OSBPL3: variants seen among roughly 807,000 people sequenced by gnomAD.
OSBPL3 encodes oxysterol-binding protein-related protein 3.
A neutral mutation model predicts 120.1 loss-of-function variants in OSBPL3; 65 were observed. That is an observed-to-expected ratio of 0.54 (90% CI 0.44 to 0.67). The LOEUF is 0.67. OSBPL3 is among the 30% of genes least tolerant of loss of function. The pLI, the probability that OSBPL3 is intolerant of heterozygous loss-of-function variation, is 0.00. For synonymous variants in OSBPL3, 416 were observed against 402.6 expected (o/e 1.03, Z -0.40); for missense variants, 1,004 against 1,082.1 (o/e 0.93, Z 1.01).
At chr7:24,948,747 A>C (rs1814037768) in intron 1 of OSBPL3, among the ~76,000 whole-genome samples, 2 of 152,178 alleles carry the variant, frequency 1.3e-5, no homozygotes, top group Non-Finnish European at 2.9e-5. Flanking sequence ...TGTCATGAAG[A>C]GTGAAGAAAG....
rs1809023285 is a variant in OSBPL3 at position 24,912,891 on chromosome 7, G to A, written c.-149-20270C>T. 6.6e-6 allele frequency among the ~76,000 whole-genome samples: 1 copy of A among 152,150 alleles called. No individual in the cohort carries two copies. Among genetic ancestry groups the A allele is most frequent in the African/African-American group, 2.4e-5 (1 of 41,426 alleles). ...GACTTCTGAGGCTGCATTAGAAATGGCAATGTAACTTCCACTTGTCCTGTT... is the reference window on the plus strand; with the variant it reads ...GACTTCTGAGGCTGCATTAGAAATGACAATGTAACTTCCACTTGTCCTGTT... On this transcript the variant is annotated intron_variant, in intron 1 of 22. Coordinates refer to ENST00000313367, the MANE Select transcript of OSBPL3 (RefSeq NM_015550.4). This position sits in a 1 kb window ranked among gnomAD's most constrained non-coding sequence, Gnocchi z 4.5.
At position 24,849,219 on chromosome 7, in the gene OSBPL3, G is replaced by A. The variant is rs1798831999; in HGVS notation, c.1159-43C>T. On this transcript the variant is annotated intron_variant, in intron 11 of 22. Coordinates refer to ENST00000313367, the MANE Select transcript of OSBPL3 (RefSeq NM_015550.4). This position sits in a 1 kb window ranked among gnomAD's most constrained non-coding sequence, Gnocchi z 5.4. ...AGTGGGGCTCTGTTAATAAATGGAT[G>A]TTTCAGAAAAGCACAGCAGTGGGCC... is the stretch of plus-strand genomic sequence containing the variant. 5 of 1,490,634 alleles carry A rather than the reference G, an allele frequency of 3.4e-6. No homozygotes were observed. Among genetic ancestry groups the A allele is most frequent in the African/African-American group, 1.4e-5 (1 of 72,556 alleles). 92.3% of individuals were successfully genotyped at this position (1,490,634 alleles called of 1,614,324 possible).
Position 24,834,590 on chromosome 7 carries a change from C to A in OSBPL3, c.1642G>T (p.Glu548Ter). The A allele has an allele frequency of 1.2e-6, 2 of 1,614,240 alleles. No homozygotes were observed. The highest frequency in any genetic ancestry group is 1.3e-5 in the African/African-American group (1 of 75,058). The change falls in exon 15 of 23, where the codon GAG (glutamate) becomes TAG (stop). Residue 548 changes from glutamate (E) to a stop codon, truncating the protein, a stop_gained. Transcript: ENST00000313367. LOFTEE classifies it high-confidence loss of function. The surrounding 1 kb of genome is among the most constrained non-coding windows in gnomAD (Gnocchi z 5.2). ...KDLSKVAMPV[E>*]LNEPLNTLQR... Reference sequence around the variant, plus strand: ...AGCGTGTTCAGGGGCTCGTTCAGCTCCACCGGCATGGCCACCTTGGACAGG... The same window carrying A: ...AGCGTGTTCAGGGGCTCGTTCAGCTACACCGGCATGGCCACCTTGGACAGG...
In OSBPL3 at chr7:24,810,437, C is replaced by T. The variant is rs182859169; in HGVS notation, c.2173-486G>A. ...ACTCGGGAGGCTGAGGCAGGAGAAT[C>T]GCTTGAACCCGGGAGGCGGAGGATG... On this transcript the variant is annotated intron_variant, in intron 19 of 22. Transcript: ENST00000313367. 6.2e-3 allele frequency: 952 copies of T among 152,880 alleles called. 4 individuals are homozygous for T. Among genetic ancestry groups the T allele is most frequent in the Non-Finnish European group, 0.01 (691 of 68,550 alleles). The allele number at this position is 152,880 out of a possible 1,614,324, so 9.5% of individuals were successfully genotyped here.
In OSBPL3 at chr7:24,810,524, AAAAAC is replaced by A. The variant is rs1197039415; in HGVS notation, c.2173-578_2173-574del. Among the ~76,000 whole-genome samples, 16 of 152,292 alleles carry A rather than the reference AAAAAC, an allele frequency of 1.1e-4. No homozygotes were observed. The South Asian group carries it at 1.5e-3, about 14-fold the overall frequency. On this transcript the variant is annotated intron_variant, in intron 19 of 22. Transcript: ENST00000313367. ...GGCAACAAGAGTGAAGCTCCGTCTC[AAAAAC>A]AAAACAAAACAAAACAAAAACAAAA...
rs1159861724 is a variant in OSBPL3, at chr7:24,873,861, C to G, written c.97-1792G>C. 1.3e-5 allele frequency among the ~76,000 whole-genome samples: 2 copies of G among 152,148 alleles called. No homozygotes were observed. The highest frequency in any genetic ancestry group is 1.5e-5 in the Non-Finnish European group (1 of 68,004). ...GGTTGTCAAGTTAAAAATTCCACCT[C>G]AAATTTCACCTCCTCCAGTGGAAAA... On this transcript the variant is annotated intron_variant, in intron 2 of 22. Coordinates refer to ENST00000313367, the MANE Select transcript of OSBPL3 (RefSeq NM_015550.4). This position sits in a 1 kb window ranked among gnomAD's most constrained non-coding sequence, Gnocchi z 4.1.
At chr7:24,810,708 C>T (rs1716278010) in intron 19 of OSBPL3, among the ~76,000 whole-genome samples, 1 of 152,164 alleles carries the variant, frequency 6.6e-6, no homozygotes, top group Non-Finnish European at 1.5e-5. Context: ...CCCTGGCAAA[C>T]CCATATCAAC....
In OSBPL3 at chr7:24,820,362, T is replaced by G; in HGVS notation, c.1885-124A>C. On this transcript the variant is annotated intron_variant, in intron 16 of 22. Coordinates refer to ENST00000313367, the MANE Select transcript of OSBPL3 (RefSeq NM_015550.4). This position sits in a 1 kb window ranked among gnomAD's most constrained non-coding sequence, Gnocchi z 4.6. ...ATGCTGAACTGAAGGAAAAACTTCT[T>G]TAGTTTCCCTCATCAAGTGTGTCCT... 1.5e-6 allele frequency: 1 copy of G among 663,066 alleles called. No individual in the cohort carries two copies. Among genetic ancestry groups the G allele is most frequent in the Non-Finnish European group, 2.7e-6 (1 of 373,890 alleles). The allele number at this position is 663,066 out of a possible 1,614,324, so 41.1% of individuals were successfully genotyped here.
rs1356632327 is a variant in OSBPL3, at chr7:24,863,230, A to G, written c.840T>C (p.Ala280=). 2 of 1,614,004 alleles carry G rather than the reference A, an allele frequency of 1.2e-6. No homozygotes were observed. The highest frequency in any genetic ancestry group is 1.7e-6 in the Non-Finnish European group (2 of 1,179,952). Residue 280 remains alanine, a synonymous_variant, in exon 9 of 23, where the codon GCT becomes GCC. Transcript: ENST00000313367. The surrounding 1 kb of genome is among the most constrained non-coding windows in gnomAD (Gnocchi z 5.8). ...GTGTTCCTTTAGCATCTTTGCCAAT[A>G]GCTCTGGACCGCCACCTCCTGTGCG... is the stretch of plus-strand genomic sequence containing the variant. ...KRSHRRWRSR[A]IGKDAKGTLQ...
Position 24,958,331 on chromosome 7 carries a change from T to A in OSBPL3, c.-150+21555A>T, listed in dbSNP as rs563032997. On this transcript the variant is annotated intron_variant, in intron 1 of 22. Transcript: ENST00000313367. ...GCTTTTTCTAATGAGGTTTTTTGGC[T>A]TTTTTTGATTGATAGTCTCTCTTTG... 4.6e-5 allele frequency among the ~76,000 whole-genome samples: 7 copies of A among 152,256 alleles called. No homozygotes were observed. The South Asian group carries it at 1.4e-3, about 32-fold the overall frequency.
intron 1 of OSBPL3, among the ~76,000 whole-genome samples, chr7:24,951,073 C>T (rs935450338): frequency 6.6e-6 from 1 of 152,182 alleles, no homozygotes; most frequent in African/African-American, 2.4e-5. Context: ...GATCTCCCTC[C>T]CCACCACCAG....
At chr7:24,884,655 A>G (rs1804223777) in intron 2 of OSBPL3, among the ~76,000 whole-genome samples, 1 of 152,184 alleles carries the variant, frequency 6.6e-6, no homozygotes, top group Non-Finnish European at 1.5e-5. Flanking sequence ...TTTGTCAAAC[A>G]CTTACATAGC....
rs1798586160 is a variant in OSBPL3, at chr7:24,847,437, T to G, written c.1266+1632A>C. 2.0e-5 allele frequency among the ~76,000 whole-genome samples: 3 copies of G among 152,216 alleles called. No individual in the cohort carries two copies. The South Asian group carries it at 6.2e-4, about 31-fold the overall frequency. On this transcript the variant is annotated intron_variant, in intron 12 of 22. Transcript: ENST00000313367. ...CTCAAGAAGGCTGTTTTGGAAGGTG[T>G]GCATTTGAAGGATGTTATTGTTACC... is the stretch of plus-strand genomic sequence containing the variant.
rs538735992 is a variant in OSBPL3 at position 24,898,009 on chromosome 7, T to A, written c.-149-5388A>T. ...TTTCCCAGTAAAATATATAAAGAAA[T>A]TATGTCCTGAATTAACGTTAGAAAT... On this transcript the variant is annotated intron_variant, in intron 1 of 22. Coordinates refer to ENST00000313367, the MANE Select transcript of OSBPL3 (RefSeq NM_015550.4). The surrounding 1 kb of genome is among the most constrained non-coding windows in gnomAD (Gnocchi z 4.3). Among the ~76,000 whole-genome samples, 1 of 152,306 alleles carries A rather than the reference T, an allele frequency of 6.6e-6. No homozygotes were observed. Among genetic ancestry groups the A allele is most frequent in the East Asian group, 1.9e-4 (1 of 5,186 alleles).
chr7:24,852,571 A>G lies in OSBPL3; in HGVS notation c.1091T>C (p.Leu364Pro). The G allele has an allele frequency of 6.2e-7, 1 of 1,610,196 alleles. No individual in the cohort carries two copies. The highest frequency in any genetic ancestry group is 8.5e-7 in the Non-Finnish European group (1 of 1,178,764). ...MSAEREKLKQ[L>P]MEQDASSSPS... is the part of the protein sequence containing the mutation. ...GGAGGAGGAGGCATCCTGCTCCATC[A>G]GCTGCTTCAGTTTCTCTCTCTCCGC... Residue 364 changes from leucine (L) to proline (P), a missense_variant, in exon 11 of 23, where the codon CTG becomes CCG. Coordinates refer to ENST00000313367, the MANE Select transcript of OSBPL3 (RefSeq NM_015550.4). This position sits in a 1 kb window ranked among gnomAD's most constrained non-coding sequence, Gnocchi z 4.1.
Position 24,863,385 on chromosome 7 carries a change from T to G in OSBPL3, c.778-93A>C. On this transcript the variant is annotated intron_variant, in intron 8 of 22. Coordinates refer to ENST00000313367, the MANE Select transcript of OSBPL3 (RefSeq NM_015550.4). This position sits in a 1 kb window ranked among gnomAD's most constrained non-coding sequence, Gnocchi z 5.8. ...AGCAAAGTGACCACCTCCATCCCCT[T>G]GACTTTGGCTGAAGCAACTGACCAC... The G allele has an allele frequency of 7.2e-7, 1 of 1,385,640 alleles. No individual in the cohort carries two copies. The highest frequency in any genetic ancestry group is 1.0e-6 in the Non-Finnish European group (1 of 972,318). 85.8% of individuals were successfully genotyped at this position (1,385,640 alleles called of 1,614,324 possible).
At chr7:24,976,721 T>C (rs962304136) in intron 1 of OSBPL3, among the ~76,000 whole-genome samples, 1 of 152,232 alleles carries the variant, frequency 6.6e-6, no homozygotes. Context: ...CATTCTAGGT[T>C]GCAGGGTTCT....
At chr7:24,920,764 G>A (rs1050731362) in intron 1 of OSBPL3, among the ~76,000 whole-genome samples, 7 of 151,992 alleles carry the variant, frequency 4.6e-5, no homozygotes, top group African/African-American at 7.2e-5. Flanking sequence ...CTGTGATTTC[G>A]GATCAGCCTA....
intron 14 of OSBPL3, among the ~76,000 whole-genome samples, chr7:24,838,900 C>G (rs1208379695): frequency 6.8e-6 from 1 of 148,142 alleles, no homozygotes; most frequent in African/African-American, 2.4e-5. Flanking sequence ...CCCACTGGTT[C>G]TTAGACCTTT....
Sources: allele counts gnomAD v4.1 joint callset (sites outside exome capture counted in the v4.1 genomes callset), GRCh38; gene constraint gnomAD v4.1.1; non-coding constraint Gnocchi (gnomAD v3.1); transcripts MANE v1.5; gene names NCBI Gene and HGNC (gene_info 2026-07-23, HGNC 2026-07-21).